DHTKD1: variants seen among roughly 807,000 people sequenced by gnomAD.
DHTKD1 encodes the protein dehydrogenase E1 and transketolase domain containing 1.
A neutral mutation model predicts 101.8 loss-of-function variants in DHTKD1; 78 were observed. The observed-to-expected ratio is 0.77, with a 90% confidence interval of 0.64 to 0.93. The LOEUF (loss-of-function observed/expected upper bound fraction) is 0.93. Ranked by LOEUF, DHTKD1 falls within the 40% of genes least tolerant of loss-of-function variation. The pLI, the probability that DHTKD1 is intolerant of heterozygous loss-of-function variation, is 0.00. For missense variants in DHTKD1, 1,223 were observed against 1,161.7 expected (o/e 1.05, Z -0.77); for synonymous variants, 462 against 450.3 (o/e 1.03, Z -0.33).
intron 14 of DHTKD1, among the ~76,000 whole-genome samples, chr10:12,118,538 A>G (rs1298906168): frequency 6.6e-6 from 1 of 151,876 alleles, no homozygotes; most frequent in Non-Finnish European, 1.5e-5. Flanking sequence ...GCCCGCCAGT[A>G]CGCCCGGCTA....
At position 12,081,646 on chromosome 10, in the gene DHTKD1, A is replaced by G; in HGVS notation, c.310+19A>G. ...ACGGCAGGTATGGCTTCTGCACAGC[A>G]GGCGGGAGCTCGGAGCTGCACACCA... On this transcript the variant is annotated intron_variant, in intron 2 of 16. Transcript: ENST00000263035. 1 of 1,613,826 alleles carries G rather than the reference A, an allele frequency of 6.2e-7. No homozygotes were observed. The highest frequency in any genetic ancestry group is 1.1e-5 in the South Asian group (1 of 91,066).
rs2131357472 is a variant in DHTKD1, at chr10:12,087,761, C to T, written c.717+32C>T. On this transcript the variant is annotated intron_variant, in intron 4 of 16. Coordinates refer to ENST00000263035, the MANE Select transcript of DHTKD1 (RefSeq NM_018706.7). The surrounding 1 kb of genome is among the most constrained non-coding windows in gnomAD (Gnocchi z 5.2). ...TTACTCGCTGTGTTTCTCAGTAGCA[C>T]TATATGATTGATTGTAACAGAATAA... The T allele has an allele frequency of 6.6e-7, 1 of 1,507,452 alleles. No homozygotes were observed. Among genetic ancestry groups the T allele is most frequent in the Non-Finnish European group, 8.9e-7 (1 of 1,120,354 alleles). The allele number at this position is 1,507,452 out of a possible 1,614,324, so 93.4% of individuals were successfully genotyped here.
At chr10:12,101,955 A>T (rs1215876478) in intron 10 of DHTKD1, among the ~76,000 whole-genome samples, 1 of 152,152 alleles carries the variant, frequency 6.6e-6, no homozygotes, top group African/African-American at 2.4e-5. Flanking sequence ...GTAGTGCCTT[A>T]AGGATAGTAG....
chr10:12,115,889 G>A (rs1042724893), intron 13 of DHTKD1, among the ~76,000 whole-genome samples: 6 of 151,064 alleles, frequency 4.0e-5, no homozygotes, highest in African/African-American at 7.3e-5. Flanking sequence ...AGCCTCCGAC[G>A]TAGCTGGGAC....
chr10:12,119,990 A>C (rs1164002822), intron 15 of DHTKD1, among the ~76,000 whole-genome samples, 192 bp from the exon 16 acceptor site: 1 of 152,198 alleles, frequency 6.6e-6, no homozygotes, highest in African/African-American at 2.4e-5. Context: ...ATCTCAGATA[A>C]TTTATCGAAT....
In DHTKD1 at chr10:12,094,057, G is replaced by A. The variant is rs1833031606; in HGVS notation, c.1160-16G>A. 1 of 1,610,878 alleles carries A rather than the reference G, an allele frequency of 6.2e-7. No homozygotes were observed. Among genetic ancestry groups the A allele is most frequent in the African/African-American group, 1.3e-5 (1 of 74,876 alleles). On this transcript the variant is annotated splice_polypyrimidine_tract_variant and intron_variant, in intron 6 of 16. Coordinates refer to ENST00000263035, the MANE Select transcript of DHTKD1 (RefSeq NM_018706.7). Reference sequence around the variant, plus strand: ...GGGTTAACTGTCCTGTTTCGGCTTGGTCTTCTGTCCTTCAGGGAAGCTTGT... The same window carrying A: ...GGGTTAACTGTCCTGTTTCGGCTTGATCTTCTGTCCTTCAGGGAAGCTTGT...
In DHTKD1 at chr10:12,097,775, T is replaced by C. The variant is rs922732733; in HGVS notation, c.1450T>C (p.Tyr484His). The change falls in exon 8 of 17, where the codon TAC becomes CAC. Residue 484 changes from tyrosine to histidine, a missense_variant. By Grantham distance (83) the Tyr-to-His change is moderately conservative. Coordinates refer to ENST00000263035, the MANE Select transcript of DHTKD1 (RefSeq NM_018706.7). ...GGAGGTGTCTGAAATAAAATCCTCC[T>C]ACTATGCCAAGTTGAATGATCACTT... is the stretch of plus-strand genomic sequence containing the variant. ...QEEVSEIKSSYYAKLNDHLNN... is the reference protein window; with the variant it reads ...QEEVSEIKSSHYAKLNDHLNN... The C allele has an allele frequency of 3.7e-6, 6 of 1,614,228 alleles. No homozygotes were observed. The highest frequency in any genetic ancestry group is 5.1e-6 in the Non-Finnish European group (6 of 1,180,024).
Position 12,100,287 on chromosome 10 carries a change from G to GTTTTTTTTTTTTTTGT in DHTKD1, c.1756+40_1756+41insTTTTTTTTTTTTTTTG. ...GGTAAGAATTTTCTTTTTTTTTTCTGTTTTTTTTTTTTTTGAGTCTCACCC... is the reference window on the plus strand; with the variant it reads ...GGTAAGAATTTTCTTTTTTTTTTCTGTTTTTTTTTTTTTTGTTTTTTTTTTTTTTTGAGTCTCACCC... On this transcript the variant is annotated intron_variant, in intron 9 of 16. Transcript: ENST00000263035. 17 of 269,852 alleles carry GTTTTTTTTTTTTTTGT rather than the reference G, an allele frequency of 6.3e-5. 1 individual carries two copies. Among genetic ancestry groups the GTTTTTTTTTTTTTTGT allele is most frequent in the East Asian group, 8.2e-5 (1 of 12,210 alleles). The allele number at this position is 269,852 out of a possible 1,614,324, so 16.7% of individuals were successfully genotyped here.
chr10:12,090,268 T>C (rs1350158209), intron 5 of DHTKD1, among the ~76,000 whole-genome samples: 1 of 152,208 alleles, frequency 6.6e-6, no homozygotes, highest in Non-Finnish European at 1.5e-5. Flanking sequence ...AATGCCACGT[T>C]ATCCTATGCA....
intron 2 of DHTKD1, 136 bp downstream of exon 2, chr10:12,081,763 A>G (rs1832823756): frequency 1.1e-6 from 1 of 906,958 alleles, no homozygotes; most frequent in Non-Finnish European, 1.7e-6. Flanking sequence ...GGCATGTTGA[A>G]GTACGGTCCG....
chr10:12,105,811 T>C (rs1833237421), intron 10 of DHTKD1, among the ~76,000 whole-genome samples: 1 of 152,114 alleles, frequency 6.6e-6, no homozygotes, highest in Non-Finnish European at 1.5e-5. Flanking sequence ...AATGTGGTGA[T>C]GAGGCCGGGC....
chr10:12,095,672 G>T (rs564413315), intron 7 of DHTKD1, among the ~76,000 whole-genome samples: 2 of 151,998 alleles, frequency 1.3e-5, no homozygotes, highest in Admixed American at 1.3e-4. Flanking sequence ...AATTAGCCGG[G>T]CGTGGTGGCG....
intron 1 of DHTKD1, among the ~76,000 whole-genome samples, chr10:12,070,051 GTTACT>G (rs1288402397): frequency 6.6e-6 from 1 of 152,086 alleles, no homozygotes; most frequent in Non-Finnish European, 1.5e-5. Flanking sequence ...TAGCTAGTCT[GTTACT>G]TTAATTTCAG....
chr10:12,095,745 G>T (rs1469513622), intron 7 of DHTKD1, among the ~76,000 whole-genome samples: 1 of 146,236 alleles, frequency 6.8e-6, no homozygotes, highest in African/African-American at 2.5e-5. Context: ...CCCGGGAGGC[G>T]GAGCTTGCAG....
chr10:12,099,709 CTG>C (rs1169945900), intron 8 of DHTKD1, among the ~76,000 whole-genome samples: 2 of 151,542 alleles, frequency 1.3e-5, no homozygotes, highest in Non-Finnish European at 2.9e-5. Flanking sequence ...TAAATAAAAA[CTG>C]TATATAATTG....
chr10:12,086,676 G>A (rs1832907463), intron 3 of DHTKD1, among the ~76,000 whole-genome samples: 1 of 151,986 alleles, frequency 6.6e-6, no homozygotes, highest in South Asian at 2.1e-4. Context: ...AGGACATACT[G>A]TCACCATTCA....
chr10:12,086,153 C>G (rs187962013), intron 3 of DHTKD1, among the ~76,000 whole-genome samples: 3 of 151,596 alleles, frequency 2.0e-5, no homozygotes, highest in Admixed American at 6.6e-5. Flanking sequence ...CAGGCGTGAG[C>G]CACCACACCT....
intron 1 of DHTKD1, among the ~76,000 whole-genome samples, chr10:12,069,684 CTTTTTTTT>C (rs11292752): frequency 6.3e-4 from 16 of 25,478 alleles, no homozygotes; most frequent in South Asian, 8.7e-3. Flanking sequence ...CCACGCCCAG[CTTTTTTTT>C]TTTTTTTTTT....
At chr10:12,096,852 C>G (rs774221372) in intron 7 of DHTKD1, among the ~76,000 whole-genome samples, 1 of 152,130 alleles carries the variant, frequency 6.6e-6, no homozygotes, top group South Asian at 2.1e-4. Flanking sequence ...ACTGGAGCAA[C>G]TTTGGGTTCC....
Sources: gnomAD v4.1 joint callset for allele counts (sites outside exome capture counted in the v4.1 genomes callset) on GRCh38, gnomAD v4.1.1 for gene constraint, Gnocchi (gnomAD v3.1) non-coding constraint, MANE v1.5 for transcripts, NCBI Gene and HGNC (gene_info 2026-07-23, HGNC 2026-07-21) for gene names.